The following TOGARAM2 variants were observed in gnomAD, a reference collection of about 807,000 sequenced individuals.
The protein encoded by TOGARAM2 is TOG array regulator of axonemal microtubules 2.
Under a neutral mutation model 93.3 loss-of-function variants are expected in TOGARAM2, and 85 were observed. The ratio of observed to expected loss-of-function variants is 0.91; its 90% CI spans 0.76 to 1.09. TOGARAM2 has a LOEUF of 1.09. Among genes scored for constraint, TOGARAM2 ranks in the 50% least tolerant of loss-of-function variants. TOGARAM2 has a pLI of 0.00. For missense variants in TOGARAM2, 1,277 were observed against 1,334.5 expected, an observed-to-expected ratio of 0.96 and a Z score of 0.67; for synonymous variants, 593 against 552.8, an observed-to-expected ratio of 1.07 and a Z score of -1.02.
intron 1 of TOGARAM2, among the ~76,000 whole-genome samples, chr2:28,970,058 G>A (rs1024712953): frequency 1.4e-4 from 21 of 152,130 alleles, no homozygotes; most frequent in Admixed American, 1.3e-3. Flanking sequence ...TGATCCGCCC[G>A]CCTTGGCCTC....
rs1157242943 is a variant in TOGARAM2, at chr2:28,999,351, C to T, written c.310C>T (p.Leu104=). Residue 104 remains leucine, a synonymous_variant, in exon 4 of 20, where the codon CTG becomes TTG. Coordinates refer to ENST00000379558, the MANE Select transcript of TOGARAM2 (RefSeq NM_199280.4). Reference sequence around the variant, plus strand: ...GGCCTTGTCTTTGGGGGACCAGCCCCTGGTGCTCCTCCCTTCTCCGGAGTC... The same window carrying T: ...GGCCTTGTCTTTGGGGGACCAGCCCTTGGTGCTCCTCCCTTCTCCGGAGTC... The part of the protein sequence containing the change: ...LRALSLGDQP[L]VLLPSPESEA... 12 of 1,613,570 alleles carry T rather than the reference C, an allele frequency of 7.4e-6. No individual in the cohort carries two copies. Among genetic ancestry groups the T allele is most frequent in the Non-Finnish European group, 1.0e-5 (12 of 1,179,798 alleles).
At chr2:29,028,122 T>C (rs907249989) in intron 14 of TOGARAM2, among the ~76,000 whole-genome samples, 5 of 152,196 alleles carry the variant, frequency 3.3e-5, no homozygotes, top group Admixed American at 6.5e-5. Context: ...CTCACACTCC[T>C]CAGTTCAGGG....
chr2:28,984,435 T>A (rs929555690), intron 1 of TOGARAM2, among the ~76,000 whole-genome samples: 2 of 152,168 alleles, frequency 1.3e-5, no homozygotes, highest in African/African-American at 4.8e-5. Flanking sequence ...CCAAGAGCCC[T>A]TTCCTGGGGT....
At chr2:29,043,505 T>A (rs1439523435) in intron 18 of TOGARAM2, among the ~76,000 whole-genome samples, 1 of 152,098 alleles carries the variant, frequency 6.6e-6, no homozygotes, top group African/African-American at 2.4e-5. Flanking sequence ...CTGTCCCCTG[T>A]AAAGAGAAGT....
intron 4 of TOGARAM2, among the ~76,000 whole-genome samples, chr2:29,001,064 G>A (rs1224092485): frequency 1.3e-5 from 2 of 152,170 alleles, no homozygotes; most frequent in Non-Finnish European, 2.9e-5. Context: ...ATGGAGGGCC[G>A]GGGATCTCTG....
upstream of TOGARAM2, among the ~76,000 whole-genome samples, chr2:28,979,913 T>C (rs1390501444): frequency 6.6e-6 from 1 of 152,158 alleles, no homozygotes; most frequent in Non-Finnish European, 1.5e-5. Context: ...CTGCCAGAGC[T>C]GAGGGACACC....
intron 16 of TOGARAM2, among the ~76,000 whole-genome samples, chr2:29,034,927 G>A (rs1390757279): frequency 1.3e-5 from 2 of 152,088 alleles, no homozygotes; most frequent in Non-Finnish European, 2.9e-5. Flanking sequence ...CAAGGTGGGT[G>A]GATCATGAGG....
chr2:28,978,060 C>A (rs375527995), upstream of TOGARAM2, among the ~76,000 whole-genome samples: 67 of 152,274 alleles, frequency 4.4e-4, 1 homozygote, highest in East Asian at 7.5e-3. Flanking sequence ...GCATGCGCCA[C>A]CATGCCCAGC....
At chr2:28,996,628 C>A (rs1217166133) in intron 2 of TOGARAM2, among the ~76,000 whole-genome samples, 1 of 151,800 alleles carries the variant, frequency 6.6e-6, no homozygotes, top group African/African-American at 2.4e-5. Context: ...TCGAGACCAG[C>A]CTGGGCAACA....
At chr2:28,983,177 A>AATAAATATATATATATATAT (rs781160203) in intron 1 of TOGARAM2, among the ~76,000 whole-genome samples, 6 of 32,390 alleles carry the variant, frequency 1.9e-4, no homozygotes, top group Non-Finnish European at 3.2e-4. Flanking sequence ...TGTATATATA[A>AATAAATATATATATATATAT]ATATATATAT....
chr2:29,027,128 C>T (rs1240620609), intron 14 of TOGARAM2, 117 bp downstream of exon 14: 29 of 1,097,346 alleles, frequency 2.6e-5, no homozygotes, highest in Admixed American at 3.1e-5. Context: ...GGCAGGTAGG[C>T]GGAAGCTATG....
intron 1 of TOGARAM2, among the ~76,000 whole-genome samples, chr2:28,974,868 T>G (rs1299425321): frequency 6.6e-6 from 1 of 152,050 alleles, no homozygotes; most frequent in Non-Finnish European, 1.5e-5. Flanking sequence ...TGACCTCAAG[T>G]GATCCTCCCA....
rs1301382296 is a variant in TOGARAM2, at chr2:29,035,569, G to A, written c.2331G>A (p.Lys777=). The change falls in exon 17 of 20, where the codon AAG becomes AAA. Residue 777 remains lysine, a synonymous_variant. Transcript: ENST00000379558. Reference sequence around the variant, plus strand: ...AGCTGACACGGCTGCTGGAGGCCAAGGACTTCCGGTCCCGGATGGAAGGCG... The same window carrying A: ...AGCTGACACGGCTGCTGGAGGCCAAAGACTTCCGGTCCCGGATGGAAGGCG... ...LRELTRLLEA[K]DFRSRMEGVG... 1.9e-6 allele frequency: 3 copies of A among 1,591,278 alleles called. No homozygotes were observed. The highest frequency in any genetic ancestry group is 2.6e-6 in the Non-Finnish European group (3 of 1,168,296).
chr2:29,040,802 G>A (rs1355682389), intron 18 of TOGARAM2, among the ~76,000 whole-genome samples: 2 of 152,124 alleles, frequency 1.3e-5, no homozygotes, highest in Non-Finnish European at 2.9e-5. Context: ...TCAGCCTGCT[G>A]CCACTAGACT....
At chr2:29,012,760 C>T (rs866378526) in intron 7 of TOGARAM2, among the ~76,000 whole-genome samples, 1 of 152,244 alleles carries the variant, frequency 6.6e-6, no homozygotes, top group Non-Finnish European at 1.5e-5. Flanking sequence ...GTGCAACATG[C>T]CTAGCACATG....
rs181545554 is a variant in TOGARAM2 at position 28,988,042 on chromosome 2, C to T, written c.-111+6504C>T. The stretch of plus-strand genomic sequence containing the variant: ...GGTCAGTGTGGAAACCAGCCCTGCC[C>T]CAAGCTAATAAAGATGGACATGCAG... On this transcript the variant is annotated intron_variant, in intron 1 of 19. Coordinates refer to ENST00000379558, the MANE Select transcript of TOGARAM2 (RefSeq NM_199280.4). 2.1e-3 allele frequency among the ~76,000 whole-genome samples: 324 copies of T among 152,278 alleles called. 1 individual carries two copies. The highest frequency in any genetic ancestry group is 7.3e-3 in the African/African-American group (304 of 41,566).
At chr2:28,999,499 C>G in intron 4 of TOGARAM2, 31 bp downstream of exon 4, 1 of 1,547,780 alleles carries the variant, frequency 6.5e-7, no homozygotes, top group Non-Finnish European at 8.7e-7. Context: ...ACCCCTCACC[C>G]ACCCACTTCC....
chr2:29,044,104 A>C (rs1327122895), intron 18 of TOGARAM2, among the ~76,000 whole-genome samples: 1 of 152,168 alleles, frequency 6.6e-6, no homozygotes, highest in Non-Finnish European at 1.5e-5. Flanking sequence ...CAGTCCCCAG[A>C]ACTTTACCCA....
intron 1 of TOGARAM2, among the ~76,000 whole-genome samples, chr2:28,983,236 G>T: frequency 2.2e-5 from 2 of 89,248 alleles, no homozygotes; most frequent in African/African-American, 4.7e-5. Flanking sequence ...TGTAGAGATG[G>T]GTTTTTTCCA....
Sources: gnomAD v4.1 joint callset for allele counts (sites outside exome capture counted in the v4.1 genomes callset) on GRCh38, gnomAD v4.1.1 for gene constraint, MANE v1.5 for transcripts, NCBI Gene and HGNC (gene_info 2026-07-23, HGNC 2026-07-21) for gene names.